VPS13C: variants seen among roughly 807,000 people sequenced by gnomAD.
The protein encoded by VPS13C is vacuolar protein sorting 13 homolog C.
A neutral mutation model predicts 456.8 loss-of-function variants in VPS13C; 358 were observed. The ratio of observed to expected loss-of-function variants is 0.78; its 90% CI spans 0.72 to 0.86. VPS13C has a LOEUF of 0.86. Ranked by LOEUF, VPS13C falls within the 40% of genes least tolerant of loss-of-function variation. VPS13C has a pLI of 0.00. For synonymous variants in VPS13C, 1,578 were observed against 1,486.7 expected (o/e 1.06, Z -1.41); for missense variants, 4,818 against 4,385.4 (o/e 1.10, Z -2.79).
chr15:62,006,578 T>A (rs1403504394), intron 15 of VPS13C, among the ~76,000 whole-genome samples: 1 of 152,216 alleles, frequency 6.6e-6, no homozygotes, highest in African/African-American at 2.4e-5. Flanking sequence ...TGTGCATGTG[T>A]CTTTATAGCA....
At chr15:61,992,414 T>C (rs757309983) in intron 16 of VPS13C, among the ~76,000 whole-genome samples, 4 of 152,168 alleles carry the variant, frequency 2.6e-5, no homozygotes, top group Non-Finnish European at 4.4e-5. Context: ...AGGGGATAAG[T>C]AATTTAGATT....
intron 50 of VPS13C, among the ~76,000 whole-genome samples, chr15:61,930,027 A>G (rs1275647840): frequency 6.6e-6 from 1 of 152,202 alleles, no homozygotes; most frequent in East Asian, 1.9e-4. Flanking sequence ...GTATTACATT[A>G]TAATGCAATA....
At chr15:61,945,661 T>C (rs1332701820) in intron 45 of VPS13C, 54 bp downstream of exon 45, 3 of 1,423,192 alleles carry the variant, frequency 2.1e-6, no homozygotes, top group Non-Finnish European at 2.8e-6. Context: ...TTCAGTTGTA[T>C]AAGCAAAGAT....
rs1480148416 is a variant in VPS13C, at chr15:62,000,849, G to A, written c.1291-223C>T. On this transcript the variant is annotated intron_variant, in intron 15 of 84. Coordinates refer to ENST00000644861, the MANE Select transcript of VPS13C (RefSeq NM_020821.3). ...AATAAATCCTCATTAAATATAGTATGAAAATAATTTTTCTGTGAGACCATT... is the reference window on the plus strand; with the variant it reads ...AATAAATCCTCATTAAATATAGTATAAAAATAATTTTTCTGTGAGACCATT... Among the ~76,000 whole-genome samples, 8 of 152,118 alleles carry A rather than the reference G, an allele frequency of 5.3e-5. No homozygotes were observed. The East Asian group carries it at 1.5e-3, about 29-fold the overall frequency.
intron 6 of VPS13C, among the ~76,000 whole-genome samples, chr15:62,025,882 G>GA (rs1295295827): frequency 1.3e-5 from 2 of 151,316 alleles, no homozygotes; most frequent in Non-Finnish European, 2.9e-5. Flanking sequence ...AATAAAAACT[G>GA]AAAAAAGACA....
intron 1 of VPS13C, among the ~76,000 whole-genome samples, chr15:62,052,170 C>G (rs1446193003): frequency 6.6e-6 from 1 of 152,072 alleles, no homozygotes; most frequent in East Asian, 1.9e-4. Flanking sequence ...ATGAAACTAG[C>G]TTTGCATATA....
intron 11 of VPS13C, 61 bp from the exon 12 acceptor site, chr15:62,012,225 C>CAG (rs1016509299): frequency 4.6e-5 from 8 of 173,136 alleles, no homozygotes; most frequent in African/African-American, 2.4e-4. Context: ...GACTCAGACA[C>CAG]ACACACACAC....
At chr15:61,864,316 T>C in intron 81 of VPS13C, 1 of 868,770 alleles carries the variant, frequency 1.2e-6, no homozygotes, top group South Asian at 5.4e-5. Flanking sequence ...TAGTAGCACA[T>C]TAAAACACAT....
chr15:61,896,947 G>C (rs1349846906), intron 66 of VPS13C, among the ~76,000 whole-genome samples: 2 of 152,178 alleles, frequency 1.3e-5, no homozygotes, highest in Non-Finnish European at 2.9e-5. Context: ...CCTGACCCCT[G>C]ACCCCCGAGC....
At chr15:62,051,873 T>A (rs1416460125) in intron 1 of VPS13C, among the ~76,000 whole-genome samples, 1 of 152,206 alleles carries the variant, frequency 6.6e-6, no homozygotes, top group Admixed American at 6.5e-5. Flanking sequence ...AAAAATCTAT[T>A]TTTTTCCTCA....
intron 23 of VPS13C, among the ~76,000 whole-genome samples, chr15:61,977,743 CTA>C (rs1273888560): frequency 6.6e-6 from 1 of 151,960 alleles, no homozygotes; most frequent in Admixed American, 6.6e-5. Flanking sequence ...TAATAGAGTT[CTA>C]TGTTTATTGA....
At chr15:61,911,634 A>G (rs1190472875) in intron 63 of VPS13C, among the ~76,000 whole-genome samples, 1 of 152,220 alleles carries the variant, frequency 6.6e-6, no homozygotes, top group Non-Finnish European at 1.5e-5. Context: ...AAAAAAGACT[A>G]TTAATGATCT....
intron 82 of VPS13C, among the ~76,000 whole-genome samples, chr15:61,859,456 C>T (rs1002737393): frequency 3.3e-5 from 5 of 152,166 alleles, no homozygotes; most frequent in African/African-American, 1.2e-4. Flanking sequence ...ATCTTATGAG[C>T]TGCTACCTAT....
intron 61 of VPS13C, among the ~76,000 whole-genome samples, chr15:61,914,280 C>G (rs1358271256): frequency 6.6e-6 from 1 of 152,054 alleles, no homozygotes; most frequent in African/African-American, 2.4e-5. Flanking sequence ...GTTTAAAACC[C>G]TTCAGGTGCC....
At position 61,917,626 on chromosome 15, in the gene VPS13C, C is replaced by A; in HGVS notation, c.7770G>T (p.Leu2590Phe). 1.9e-6 allele frequency: 3 copies of A among 1,609,342 alleles called. No homozygotes were observed. The highest frequency in any genetic ancestry group is 1.1e-5 in the South Asian group (1 of 90,914). Residue 2590 changes from leucine (L) to phenylalanine (F), a missense_variant, in exon 60 of 85, where the codon TTG (leucine) becomes TTT (phenylalanine). Leu to Phe is a conservative substitution (Grantham distance 22). Around this residue, in one of 3 missense-constraint regions of VPS13C, gnomAD observed 4,552 missense variants for 4,130.6 expected, o/e 1.10. Transcript: ENST00000644861. The part of the protein sequence containing the change: ...HVPLDSYRCQ[L>F]FIQPAGILEH... ...CTAAGATTCCAGCTGGCTGGATAAA[C>A]AATTGACATCTGCAGAAAGAGGAAA...
At chr15:61,992,165 A>C (rs988941300) in intron 16 of VPS13C, among the ~76,000 whole-genome samples, 1 of 152,210 alleles carries the variant, frequency 6.6e-6, no homozygotes, top group African/African-American at 2.4e-5. Flanking sequence ...GAAAGGAAAC[A>C]CACCCAAAAA....
At chr15:61,919,836 T>C (rs2043591660) in intron 57 of VPS13C, among the ~76,000 whole-genome samples, 1 of 147,976 alleles carries the variant, frequency 6.8e-6, no homozygotes, top group Non-Finnish European at 1.5e-5. Flanking sequence ...TATTATATAA[T>C]ATATACATTA....
In VPS13C at chr15:61,884,111, A is replaced by G; in HGVS notation, c.9483+17T>C. 1.9e-6 allele frequency: 3 copies of G among 1,566,648 alleles called. No homozygotes were observed. Among genetic ancestry groups the G allele is most frequent in the Non-Finnish European group, 2.6e-6 (3 of 1,166,338 alleles). Reference sequence around the variant, plus strand: ...AAATACACATATAAAAATCAAAACAAAAGAATTTTGGTATACCTCAAAATT... The same window carrying G: ...AAATACACATATAAAAATCAAAACAGAAGAATTTTGGTATACCTCAAAATT... On this transcript the variant is annotated intron_variant, in intron 68 of 84. Transcript: ENST00000644861.
chr15:61,863,533 A>C lies in VPS13C; in HGVS notation c.10864-5T>G, dbSNP rs1036971254. 2 of 1,606,100 alleles carry C rather than the reference A, an allele frequency of 1.2e-6. No homozygotes were observed. Among genetic ancestry groups the C allele is most frequent in the Non-Finnish European group, 1.7e-6 (2 of 1,173,152 alleles). ...TTCCAACTTTTTGATATGATTCTGA[A>C]AAGGAAACCAGGCTCTAGATTTGGG... On this transcript the variant is annotated splice_region_variant and splice_polypyrimidine_tract_variant and intron_variant, in intron 81 of 84. Coordinates refer to ENST00000644861, the MANE Select transcript of VPS13C (RefSeq NM_020821.3).
Sources: allele counts gnomAD v4.1 joint callset (sites outside exome capture counted in the v4.1 genomes callset), GRCh38; gene constraint gnomAD v4.1.1; regional missense constraint gnomAD v4.1.1; transcripts MANE v1.5; gene names NCBI Gene and HGNC (gene_info 2026-07-23, HGNC 2026-07-21).